ITCH: variants seen among roughly 807,000 people sequenced by gnomAD.
ITCH encodes the protein E3 ubiquitin-protein ligase Itchy homolog.
In ITCH, 28 loss-of-function variants were observed where a neutral mutation model predicts 126.8. That is an observed-to-expected ratio of 0.22 (90% CI 0.16 to 0.30). ITCH has a LOEUF of 0.30. Among genes scored for constraint, ITCH ranks in the 10% least tolerant of loss-of-function variants. ITCH has a pLI of 1.00. For synonymous variants in ITCH, 342 were observed against 340.0 expected (o/e 1.01, Z -0.06); for missense variants, 631 against 1,032.4 (o/e 0.61, Z 5.33).
intron 3 of ITCH, among the ~76,000 whole-genome samples, chr20:34,398,128 T>C (rs910809159): frequency 6.6e-6 from 1 of 152,044 alleles, no homozygotes; most frequent in African/African-American, 2.4e-5. Flanking sequence ...AGCAGCGTGA[T>C]CATGGCTCAC....
chr20:34,388,331 A>T (rs1322461843), intron 2 of ITCH, among the ~76,000 whole-genome samples: 4 of 151,690 alleles, frequency 2.6e-5, no homozygotes, highest in South Asian at 2.1e-4. Context: ...GAAGGCTTTT[A>T]GTTTGTTTGT....
chr20:34,380,189 GTC>G (rs1343073018), intron 2 of ITCH, among the ~76,000 whole-genome samples: 1 of 152,078 alleles, frequency 6.6e-6, no homozygotes, highest in Admixed American at 6.6e-5. Flanking sequence ...GTCCTTTTGT[GTC>G]TGGTGTATTT....
intron 23 of ITCH, among the ~76,000 whole-genome samples, chr20:34,497,883 T>C (rs185029449): frequency 5.8e-4 from 89 of 152,358 alleles, no homozygotes; most frequent in African/African-American, 2.1e-3. Context: ...CAGCCGTCAT[T>C]GGTATTTCTG....
intron 6 of ITCH, among the ~76,000 whole-genome samples, chr20:34,420,981 G>A (rs1245923562): frequency 6.6e-6 from 1 of 152,184 alleles, no homozygotes; most frequent in Non-Finnish European, 1.5e-5. Context: ...AATGTGGCAG[G>A]CTCTGGTTCA....
intron 7 of ITCH, among the ~76,000 whole-genome samples, chr20:34,433,698 C>T (rs990350851): frequency 4.7e-5 from 7 of 148,750 alleles, no homozygotes; most frequent in Middle Eastern, 3.5e-3. Context: ...GAAAAGAAAG[C>T]GATTAAATTG....
At chr20:34,432,048 CAAA>C (rs10668679) in intron 7 of ITCH, among the ~76,000 whole-genome samples, 1 of 92,244 alleles carries the variant, frequency 1.1e-5, no homozygotes, top group Admixed American at 1.3e-4. Flanking sequence ...GATTCTATGT[CAAA>C]AAAAAAAAAA....
chr20:34,420,588 T>C (rs1980626545), intron 6 of ITCH, among the ~76,000 whole-genome samples: 1 of 152,256 alleles, frequency 6.6e-6, no homozygotes, highest in South Asian at 2.1e-4. Context: ...TTCATTTCTT[T>C]TGGATATATA....
At chr20:34,474,494 C>A (rs1309711161) in intron 16 of ITCH, among the ~76,000 whole-genome samples, 5 of 152,212 alleles carry the variant, frequency 3.3e-5, no homozygotes, top group African/African-American at 1.2e-4. Flanking sequence ...GGTCACAGAT[C>A]AACAGGATCC....
At chr20:34,372,384 CTTT>C (rs779017298) in intron 2 of ITCH, among the ~76,000 whole-genome samples, 7 of 93,152 alleles carry the variant, frequency 7.5e-5, no homozygotes, top group Admixed American at 6.3e-4. Flanking sequence ...TTAAGTTCTA[CTTT>C]TTTTTTTTTT....
chr20:34,385,189 ATGTG>A (rs150658162), intron 2 of ITCH, among the ~76,000 whole-genome samples: 124 of 101,266 alleles, frequency 1.2e-3, no homozygotes, highest in Middle Eastern at 5.6e-3. Flanking sequence ...AGCTAATTTT[ATGTG>A]TGTGTGTGTG....
intron 17 of ITCH, 89 bp from the exon 18 acceptor site, chr20:34,479,541 G>T: frequency 4.9e-6 from 5 of 1,028,356 alleles, no homozygotes; most frequent in South Asian, 2.7e-5. Context: ...TAGCTGAGGG[G>T]TATAGATCCC....
chr20:34,441,837 C>A (rs1400359120), intron 9 of ITCH: 2 of 264,690 alleles, frequency 7.6e-6, no homozygotes, highest in East Asian at 1.8e-4. Context: ...CCACCCGTCT[C>A]AGCCTCCCAA....
chr20:34,504,489 A>G (rs79741676), intron 24 of ITCH, 86 bp downstream of exon 24: 17 of 867,834 alleles, frequency 2.0e-5, no homozygotes, highest in Middle Eastern at 2.2e-4. Flanking sequence ...TAAAAATGAT[A>G]TTTAGTAGAT....
At chr20:34,499,097 C>G (rs1990072544) in intron 23 of ITCH, among the ~76,000 whole-genome samples, 2 of 151,316 alleles carry the variant, frequency 1.3e-5, no homozygotes, top group Admixed American at 1.3e-4. Context: ...GCCTCAGCCT[C>G]CCGAGTAACT....
intron 12 of ITCH, among the ~76,000 whole-genome samples, chr20:34,451,889 G>A (rs189399267): frequency 2.6e-5 from 4 of 151,976 alleles, no homozygotes; most frequent in Admixed American, 6.6e-5. Context: ...GCAACATAGC[G>A]AAAACCTGTC....
At chr20:34,480,000 T>C (rs575892003) in intron 18 of ITCH, among the ~76,000 whole-genome samples, 1 of 151,960 alleles carries the variant, frequency 6.6e-6, no homozygotes, top group African/African-American at 2.4e-5. Context: ...CTGGACTCAG[T>C]CAGTTCTCCC....
chr20:34,477,784 A>G lies in ITCH; in HGVS notation c.1582A>G (p.Ser528Gly). 1.2e-6 allele frequency: 2 copies of G among 1,613,678 alleles called. No individual in the cohort carries two copies. The highest frequency in any genetic ancestry group is 2.2e-5 in the South Asian group (2 of 91,032). ...TATTTTTTTTTAGATAATGAGCTTC[A>G]GTCCCCAAGATCTGCGAAGACGTTT... ...EDSFQQIMSF[S>G]PQDLRRRLWV... Residue 528 changes from serine to glycine, a missense_variant, in exon 17 of 25, where the codon AGT becomes GGT. By Grantham distance (56) the Ser-to-Gly change is moderately conservative (BLOSUM62 0). Around this residue, in one of 4 missense-constraint regions of ITCH, gnomAD observed 390 missense variants for 731.6 expected, o/e 0.53. Coordinates refer to ENST00000374864, the MANE Select transcript of ITCH (RefSeq NM_031483.7).
chr20:34,418,924 A>G (rs6141471), intron 6 of ITCH, among the ~76,000 whole-genome samples: 83,139 of 151,572 alleles, frequency 0.55, 23,278 homozygotes, highest in Admixed American at 0.64. Context: ...ACCACGCCCG[A>G]CTAATTTTGT....
chr20:34,450,338 C>T (rs1985042121), intron 12 of ITCH, among the ~76,000 whole-genome samples: 1 of 152,090 alleles, frequency 6.6e-6, no homozygotes, highest in African/African-American at 2.4e-5. Context: ...TCTCCTAAAA[C>T]AAGGTTCAGA....
Sources: gnomAD v4.1 joint callset for allele counts (sites outside exome capture counted in the v4.1 genomes callset) on GRCh38, gnomAD v4.1.1 for gene constraint, gnomAD v4.1.1 regional missense constraint, MANE v1.5 for transcripts, NCBI Gene and HGNC (gene_info 2026-07-23, HGNC 2026-07-21) for gene names.